The following TTC7A variants were observed in gnomAD, a reference collection of about 807,000 sequenced individuals.
TTC7A encodes the protein tetratricopeptide repeat domain 7A.
TTC7A carries 110 observed loss-of-function variants against 103.7 expected under a neutral mutation model. That is an observed-to-expected ratio of 1.06 (90% CI 0.91 to 1.24). The LOEUF (loss-of-function observed/expected upper bound fraction) is 1.24, where lower values mean the gene tolerates loss of function less well. Among genes scored for constraint, TTC7A ranks in the 50% most tolerant of loss-of-function variants. The pLI is 0.00. For synonymous variants in TTC7A, 521 were observed against 467.9 expected (o/e 1.11, Z -1.47); for missense variants, 1,340 against 1,116.3 (o/e 1.20, Z -2.86).
chr2:46,937,404 G>A (rs1305976467), upstream of TTC7A, among the ~76,000 whole-genome samples: 1 of 152,048 alleles, frequency 6.6e-6, no homozygotes, highest in Non-Finnish European at 1.5e-5. This position sits in a 1 kb window ranked among gnomAD's most constrained non-coding sequence, Gnocchi z 4.0. Flanking sequence ...AATCTCTATG[G>A]TGGATTTTAA....
chr2:47,051,322 T>A (rs893873758), intron 17 of TTC7A, among the ~76,000 whole-genome samples: 5 of 152,252 alleles, frequency 3.3e-5, no homozygotes, highest in Non-Finnish European at 7.3e-5. Context: ...CCTAACTATA[T>A]AGTGCGAACA....
At chr2:47,061,002 C>G in intron 19 of TTC7A, 31 bp downstream of exon 19, 1 of 1,554,472 alleles carries the variant, frequency 6.4e-7, no homozygotes, top group Non-Finnish European at 8.7e-7. Context: ...CTCCCACCAC[C>G]TCCTCCCACA....
At position 47,047,065 on chromosome 2, in the gene TTC7A, G is replaced by T. The variant is rs551847087; in HGVS notation, c.1919+634G>T. On this transcript the variant is annotated intron_variant, in intron 16 of 19. Coordinates refer to ENST00000319190, the MANE Select transcript of TTC7A (RefSeq NM_020458.4). The stretch of plus-strand genomic sequence containing the variant: ...GCCAGAGCAGGGCACTCTTGTCCAG[G>T]CTGAATCTGCAGGAAGTCTTTGCTC... 3.5e-5 allele frequency: 20 copies of T among 567,812 alleles called. No homozygotes were observed. The South Asian group carries it at 4.5e-4, about 13-fold the overall frequency. 35.2% of individuals were successfully genotyped at this position (567,812 alleles called of 1,614,324 possible).
At chr2:46,995,251 A>G (rs760046491) in intron 8 of TTC7A, 52 bp downstream of exon 8, 2 of 1,597,290 alleles carry the variant, frequency 1.3e-6, no homozygotes, top group Non-Finnish European at 1.7e-6. Flanking sequence ...CCCTGTGGGG[A>G]AGGGCTGTGG....
At chr2:47,071,477 G>C (rs957932006) in intron 19 of TTC7A, among the ~76,000 whole-genome samples, 8 of 152,214 alleles carry the variant, frequency 5.3e-5, no homozygotes, top group Admixed American at 2.0e-4. Context: ...GCTGTTTGCT[G>C]TCTGCCCCCG....
chr2:46,979,914 C>T (rs1572797479), intron 5 of TTC7A, among the ~76,000 whole-genome samples: 1 of 152,130 alleles, frequency 6.6e-6, no homozygotes, highest in Non-Finnish European at 1.5e-5. Flanking sequence ...CAAGCGCAGC[C>T]GTCCCCCGTG....
intron 5 of TTC7A, among the ~76,000 whole-genome samples, chr2:46,982,184 G>A (rs1160935134): frequency 2.6e-5 from 4 of 152,030 alleles, no homozygotes; most frequent in Non-Finnish European, 4.4e-5. Flanking sequence ...GCCAGCCTGG[G>A]CAACATAGGG....
intron 15 of TTC7A, among the ~76,000 whole-genome samples, chr2:47,042,476 G>C (rs1184505508): frequency 1.3e-5 from 2 of 151,298 alleles, no homozygotes; most frequent in African/African-American, 4.9e-5. Flanking sequence ...CACTCTGCCT[G>C]GGCAGCAGAG....
At chr2:47,028,727 A>G (rs1680187605) in intron 14 of TTC7A, among the ~76,000 whole-genome samples, 1 of 152,216 alleles carries the variant, frequency 6.6e-6, no homozygotes, top group African/African-American at 2.4e-5. Context: ...ACACAAGACT[A>G]GAATCTGGAT....
At chr2:47,026,220 C>G (rs1037120181) in intron 14 of TTC7A, among the ~76,000 whole-genome samples, 8 of 152,202 alleles carry the variant, frequency 5.3e-5, no homozygotes, top group African/African-American at 1.9e-4. Flanking sequence ...AAGAGTACAT[C>G]TGGCTGGCCG....
At chr2:46,961,122 C>T (rs1243800308) in intron 3 of TTC7A, among the ~76,000 whole-genome samples, 1 of 152,212 alleles carries the variant, frequency 6.6e-6, no homozygotes, top group African/African-American at 2.4e-5. Flanking sequence ...CGCCAGCCTA[C>T]GGACCCCTGA....
chr2:47,033,012 A>C (rs1680732871), intron 15 of TTC7A, among the ~76,000 whole-genome samples: 1 of 152,120 alleles, frequency 6.6e-6, no homozygotes, highest in Non-Finnish European at 1.5e-5. Context: ...CTTTGTAAGT[A>C]AGTCAATACT....
chr2:46,995,145 C>G lies in TTC7A; in HGVS notation c.1011C>G (p.Cys337Trp), dbSNP rs927402014. ...PHLYEGDNLY[C>W]PKDNIEEALL... ...CATTGGTGTCTTTCAGCCTCTACTG[C>G]CCCAAGGACAACATCGAGGAAGCCC... The change falls in exon 8 of 20, where the codon TGC becomes TGG. Residue 337 changes from cysteine (C) to tryptophan (W), a missense_variant. Transcript: ENST00000319190. 6.2e-7 allele frequency: 1 copy of G among 1,614,154 alleles called. No individual in the cohort carries two copies. Among genetic ancestry groups the G allele is most frequent in the South Asian group, 1.1e-5 (1 of 91,070 alleles).
intron 2 of TTC7A, 136 bp from the exon 3 acceptor site, chr2:46,956,703 G>C (rs764686280): frequency 8.7e-5 from 74 of 855,198 alleles, no homozygotes; most frequent in Non-Finnish European, 1.2e-4. Context: ...ATGTGCTTGA[G>C]CATCAAAGAA....
intron 15 of TTC7A, chr2:47,035,771 G>C (rs1325112543): frequency 6.6e-6 from 1 of 152,252 alleles, no homozygotes; most frequent in African/African-American, 2.4e-5. Flanking sequence ...TGTGGCCCAG[G>C]GCACATGGTT....
chr2:47,035,234 C>G (rs543081590), intron 15 of TTC7A: 1 of 152,182 alleles, frequency 6.6e-6, no homozygotes, highest in Non-Finnish European at 1.5e-5. Flanking sequence ...CAAAAGGATG[C>G]TTAGCATACC....
At chr2:46,915,911 G>T (rs932669998), upstream of TTC7A, 28 of 985,040 alleles carry the variant, frequency 2.8e-5, no homozygotes, top group African/African-American at 4.7e-4. Flanking sequence ...GGGCTGTGAG[G>T]ACGGCTCGCG....
At position 47,061,078 on chromosome 2, in the gene TTC7A, G is replaced by C. The variant is rs1204156340; in HGVS notation, c.2355+107G>C. 4 of 1,200,438 alleles carry C rather than the reference G, an allele frequency of 3.3e-6. No homozygotes were observed. In the African/African-American group the frequency reaches 4.5e-5, roughly 14 times the overall value. The allele number at this position is 1,200,438 out of a possible 1,614,324, so 74.4% of individuals were successfully genotyped here. A position where few individuals can be genotyped will look rare whatever the true frequency, so the allele number is the denominator to read the frequency against. On this transcript the variant is annotated intron_variant, in intron 19 of 19. Coordinates refer to ENST00000319190, the MANE Select transcript of TTC7A (RefSeq NM_020458.4). The stretch of plus-strand genomic sequence containing the variant: ...ATACTCCACTGCCTGCCTGTGCCTT[G>C]CTACTGCTGTTCCCTGGTGTCTAGG...
At chr2:47,060,720 C>T (rs192311349) in intron 18 of TTC7A, 49 bp from the exon 19 acceptor site, 1 of 1,536,148 alleles carries the variant, frequency 6.5e-7, no homozygotes, top group Non-Finnish European at 8.9e-7. Flanking sequence ...GTCAGGATGC[C>T]TCTGACTCCC....
Sources: gnomAD v4.1 joint callset for allele counts (sites outside exome capture counted in the v4.1 genomes callset) on GRCh38, gnomAD v4.1.1 for gene constraint, Gnocchi (gnomAD v3.1) non-coding constraint, MANE v1.5 for transcripts, NCBI Gene and HGNC (gene_info 2026-07-23, HGNC 2026-07-21) for gene names.